The following PRIM2 variants were observed in gnomAD, a reference collection of about 807,000 sequenced individuals.
PRIM2 encodes the protein DNA primase large subunit.
A neutral mutation model predicts 67.3 loss-of-function variants in PRIM2; 39 were observed. The observed-to-expected ratio is 0.58, with a 90% CI of 0.45 to 0.76. The LOEUF (loss-of-function observed/expected upper bound fraction) is 0.76. Ranked by LOEUF, PRIM2 falls within the 30% of genes least tolerant of loss-of-function variation. The pLI, the probability that PRIM2 is intolerant of heterozygous loss-of-function variation, is 0.00. For missense variants in PRIM2, 398 were observed against 598.7 expected (o/e 0.66, Z 3.50); for synonymous variants, 143 against 198.7 (o/e 0.72, Z 2.36).
chr6:57,424,402 C>T (rs1771556579), intron 7 of PRIM2, among the ~76,000 whole-genome samples: 1 of 152,022 alleles, frequency 6.6e-6, no homozygotes, highest in Non-Finnish European at 1.5e-5. Context: ...AGAAAAGCAA[C>T]TAGATTTTAC....
intron 8 of PRIM2, among the ~76,000 whole-genome samples, chr6:57,529,413 T>G (rs1774838981): frequency 6.6e-6 from 1 of 152,200 alleles, no homozygotes; most frequent in African/African-American, 2.4e-5. Context: ...GTAAGACATG[T>G]TGGAAAAAGA....
chr6:57,399,151 A>G (rs1770622301), intron 7 of PRIM2, among the ~76,000 whole-genome samples: 3 of 151,908 alleles, frequency 2.0e-5, no homozygotes, highest in African/African-American at 4.8e-5. Flanking sequence ...TTAACTCATC[A>G]TTTACATTAG....
At chr6:57,235,747 G>A in the PRIM2 span, among the ~76,000 whole-genome samples, 2 of 152,290 alleles carry the variant, frequency 1.3e-5, no homozygotes, top group South Asian at 4.1e-4. Flanking sequence ...AGCATAAGGA[G>A]TCTTTATAAG....
intron 5 of PRIM2, among the ~76,000 whole-genome samples, chr6:57,349,535 A>T: frequency 6.6e-6 from 1 of 151,428 alleles, no homozygotes; most frequent in Admixed American, 6.6e-5. Context: ...TTGGATAGTA[A>T]TACAAGTATT....
chr6:57,471,299 A>C (rs1318481718), intron 7 of PRIM2, among the ~76,000 whole-genome samples: 1 of 152,132 alleles, frequency 6.6e-6, no homozygotes, highest in Non-Finnish European at 1.5e-5. Context: ...GGAGGGAGTT[A>C]ATAAGGCAAG....
chr6:57,346,439 C>A (rs1286649737), intron 5 of PRIM2, among the ~76,000 whole-genome samples: 5 of 152,076 alleles, frequency 3.3e-5, no homozygotes, highest in Admixed American at 2.0e-4. Flanking sequence ...CCTGCCCCAG[C>A]CTCCCGAGTA....
At chr6:57,428,710 A>G (rs1771713755) in intron 7 of PRIM2, among the ~76,000 whole-genome samples, 43 of 152,188 alleles carry the variant, frequency 2.8e-4, no homozygotes, top group Non-Finnish European at 2.9e-5. Flanking sequence ...AGATTCTATG[A>G]GCTATAAAGA....
Position 57,398,557 on chromosome 6 carries a change from A to T in PRIM2, c.693+16389A>T, listed in dbSNP as rs1220941086. On this transcript the variant is annotated intron_variant, in intron 7 of 13. Transcript: ENST00000615550. Reference sequence around the variant, plus strand: ...ATTTTGCATTTGCTGAGGATATTTTATGTCCAATTATGTGGTCGCTTTTAG... The same window carrying T: ...ATTTTGCATTTGCTGAGGATATTTTTTGTCCAATTATGTGGTCGCTTTTAG... 2.0e-5 allele frequency among the ~76,000 whole-genome samples: 3 copies of T among 152,228 alleles called. No individual in the cohort carries two copies. The South Asian group carries it at 6.2e-4, about 32-fold the overall frequency.
chr6:57,430,721 G>A (rs72873539), intron 7 of PRIM2, among the ~76,000 whole-genome samples: 5 of 151,970 alleles, frequency 3.3e-5, no homozygotes, highest in African/African-American at 9.7e-5. Context: ...TTGGCCTCCC[G>A]AAGTGCTGGG....
chr6:57,437,819 C>A (rs1772063950), intron 7 of PRIM2, among the ~76,000 whole-genome samples: 1 of 152,024 alleles, frequency 6.6e-6, no homozygotes. Context: ...CAGGTAGCAC[C>A]ACGCCTGGCT....
chr6:57,295,774 G>T, the PRIM2 span, among the ~76,000 whole-genome samples: 50,371 of 151,944 alleles, frequency 0.33, 8,775 homozygotes, highest in East Asian at 0.6. Context: ...TTACAAAATT[G>T]AATGTGTCAT....
chr6:57,597,676 C>A (rs1232930432), intron 10 of PRIM2, among the ~76,000 whole-genome samples: 4 of 152,172 alleles, frequency 2.6e-5, no homozygotes, highest in Admixed American at 2.0e-4. Flanking sequence ...GGGATTCTTT[C>A]CCAGGTTTCT....
chr6:57,464,087 C>A (rs1169725878), intron 7 of PRIM2, among the ~76,000 whole-genome samples: 1 of 152,092 alleles, frequency 6.6e-6, no homozygotes, highest in Non-Finnish European at 1.5e-5. Context: ...CTTTCCGGGT[C>A]TTCCCTCAAA....
At chr6:57,312,036 A>C, upstream of PRIM2, among the ~76,000 whole-genome samples, 1 of 8,364 alleles carries the variant, frequency 1.2e-4, no homozygotes, top group African/African-American at 6.0e-4. Context: ...GGGAGACGGG[A>C]GAGGGGAGAG....
intron 10 of PRIM2, among the ~76,000 whole-genome samples, chr6:57,587,676 A>G (rs1776217911): frequency 6.8e-6 from 1 of 147,980 alleles, no homozygotes; most frequent in Non-Finnish European, 1.5e-5. Context: ...AAAAAAAAAA[A>G]AAAAAAAAAA....
intron 5 of PRIM2, among the ~76,000 whole-genome samples, chr6:57,334,920 G>T (rs1486499582): frequency 1.3e-5 from 2 of 151,474 alleles, no homozygotes; most frequent in Non-Finnish European, 2.9e-5. Context: ...CACAGAAGAT[G>T]GGTGATTTCT....
chr6:57,626,927 G>A (rs1164725193), intron 12 of PRIM2, among the ~76,000 whole-genome samples: 59,311 of 151,624 alleles, frequency 0.39, 11,899 homozygotes, highest in East Asian at 0.68. Flanking sequence ...CACCCAGCCT[G>A]TTTTTAAAAA....
At position 57,352,368 on chromosome 6, in the gene PRIM2, G is replaced by C. The variant is rs1768885257; in HGVS notation, c.459+26323G>C. 3.3e-5 allele frequency among the ~76,000 whole-genome samples: 5 copies of C among 152,086 alleles called. 1 individual carries two copies. The highest frequency in any genetic ancestry group is 3.3e-4 in the Admixed American group (5 of 15,270). ...CAATTCTCCTCCCTCAGCCTCTTAA[G>C]TAGCTGGGATTACAGGTGTTCCCCA... On this transcript the variant is annotated intron_variant, in intron 5 of 13. Coordinates refer to ENST00000615550, the MANE Select transcript of PRIM2 (RefSeq NM_000947.5).
the PRIM2 span, among the ~76,000 whole-genome samples, chr6:57,290,235 A>G: frequency 2.0e-5 from 3 of 151,638 alleles, no homozygotes; most frequent in South Asian, 4.2e-4. Context: ...GATAAAACCA[A>G]CAAAGATCAA....
Sources: gnomAD v4.1 joint callset for allele counts (sites outside exome capture counted in the v4.1 genomes callset) on GRCh38, gnomAD v4.1.1 for gene constraint, MANE v1.5 for transcripts, NCBI Gene and HGNC (gene_info 2026-07-23, HGNC 2026-07-21) for gene names.